Variants in SRGAP2B observed in about 807,000 individuals in gnomAD.
The protein encoded by SRGAP2B is SLIT-ROBO Rho GTPase-activating protein 2B.
SRGAP2B carries 9 observed loss-of-function variants against 22.2 expected under a neutral mutation model. That is an observed-to-expected ratio of 0.41 (90% CI 0.24 to 0.71). SRGAP2B has a LOEUF of 0.71. Ranked by LOEUF, SRGAP2B falls within the 30% of genes least tolerant of loss-of-function variation. The pLI, the probability that SRGAP2B is intolerant of heterozygous loss-of-function variation, is 0.35. For missense variants in SRGAP2B, 114 were observed against 235.8 expected, an observed-to-expected ratio of 0.48 and a Z score of 3.38; for synonymous variants, 36 against 87.4, an observed-to-expected ratio of 0.41 and a Z score of 3.28.
chr1:144,943,946 C>T (rs1277208920), intron 4 of SRGAP2B, among the ~76,000 whole-genome samples: 1 of 150,480 alleles, frequency 6.6e-6, no homozygotes, highest in Non-Finnish European at 1.5e-5. Flanking sequence ...GCATTCAAAG[C>T]CTGCCAAGTT....
At chr1:144,960,547 G>A (rs1306737602) in intron 3 of SRGAP2B, among the ~76,000 whole-genome samples, 1 of 150,390 alleles carries the variant, frequency 6.6e-6, no homozygotes, top group Non-Finnish European at 1.5e-5. Context: ...CGCTTAAAGG[G>A]ATTTCTCTAA....
rs1206124130 is a variant in SRGAP2B at position 144,976,418 on chromosome 1, GGTGT to G, written c.260+18586_260+18589del. On this transcript the variant is annotated intron_variant, in intron 3 of 9. Coordinates refer to ENST00000612199, the Ensembl canonical transcript of SRGAP2B. ...AAATAGCTATTTATAGAAGTACATG[GGTGT>G]GTGTGTGTATGTGTCTATGTGTACA... Among the ~76,000 whole-genome samples, 4 of 137,384 alleles carry G rather than the reference GGTGT, an allele frequency of 2.9e-5. No homozygotes were observed. The East Asian group carries it at 6.2e-4, about 21-fold the overall frequency. 90.1% of individuals were successfully genotyped at this position (137,384 alleles called of 152,430 possible). A position where few individuals can be genotyped will look rare whatever the true frequency, so the allele number is the denominator to read the frequency against.
chr1:144,964,909 C>G lies in SRGAP2B; in HGVS notation c.261-9308G>C, dbSNP rs587603573. 1.9e-4 allele frequency: 131 copies of G among 676,944 alleles called. 1 individual carries two copies. In the African/African-American group the frequency reaches 2.3e-3, roughly 12 times the overall value. The allele number at this position is 676,944 out of a possible 1,614,324, so 41.9% of individuals were successfully genotyped here. On this transcript the variant is annotated intron_variant, in intron 3 of 9. Transcript: ENST00000612199. ...ATGACCAGCCTGGGTAACATAGGAC[C>G]TGTCTCTTAAAAAATAAATAAATAG...
chr1:144,966,349 A>G (rs1553612246), intron 3 of SRGAP2B, among the ~76,000 whole-genome samples: 1 of 149,370 alleles, frequency 6.7e-6, no homozygotes. Context: ...ACATTCTTAA[A>G]GAAAAGAATT....
At chr1:144,902,626 GT>G (rs1378639390) in intron 7 of SRGAP2B, among the ~76,000 whole-genome samples, 1 of 139,904 alleles carries the variant, frequency 7.1e-6, no homozygotes, top group African/African-American at 2.7e-5. Context: ...GCTGGGCGTG[GT>G]GGCGGGTGCC....
rs587744466 is a variant in SRGAP2B at position 144,976,171 on chromosome 1, C to T, written c.260+18837G>A. Reference sequence around the variant, plus strand: ...CTGGGATTACAGGTGTGAGCCATCGCGCCCAGCCTGGGTTAGTAATTCTGA... The same window carrying T: ...CTGGGATTACAGGTGTGAGCCATCGTGCCCAGCCTGGGTTAGTAATTCTGA... On this transcript the variant is annotated intron_variant, in intron 3 of 9. Transcript: ENST00000612199. Among the ~76,000 whole-genome samples, 24 of 147,292 alleles carry T rather than the reference C, an allele frequency of 1.6e-4. 1 individual carries two copies. The highest frequency in any genetic ancestry group is 3.4e-3 in the Middle Eastern group (1 of 292).
chr1:144,963,028 T>C (rs1184482664), intron 3 of SRGAP2B, among the ~76,000 whole-genome samples: 1 of 150,836 alleles, frequency 6.6e-6, no homozygotes, highest in Non-Finnish European at 1.5e-5. Context: ...TTGGCTTGGA[T>C]GAACCCACTG....
chr1:145,088,457 A>G lies in SRGAP2B; in HGVS notation c.67+4378T>C, dbSNP rs587758346. Among the ~76,000 whole-genome samples, 16 of 145,518 alleles carry G rather than the reference A, an allele frequency of 1.1e-4. 1 individual carries two copies. Among genetic ancestry groups the G allele is most frequent in the African/African-American group, 4.2e-4 (16 of 38,510 alleles). ...CACACTGTTCTCCTAAGACATTAAA[A>G]AAAAAAAAAAGACAAGACCCCTAAT... On this transcript the variant is annotated intron_variant, in intron 2 of 9. Coordinates refer to ENST00000612199, the Ensembl canonical transcript of SRGAP2B.
intron 2 of SRGAP2B, among the ~76,000 whole-genome samples, chr1:145,003,491 C>T (rs371537263): frequency 4.0e-4 from 58 of 146,674 alleles, no homozygotes; most frequent in African/African-American, 5.3e-4. Context: ...AATGTTTGAG[C>T]GTGGCCTCTC....
intron 2 of SRGAP2B, among the ~76,000 whole-genome samples, chr1:145,040,883 C>A: frequency 6.7e-6 from 1 of 148,332 alleles, no homozygotes; most frequent in Non-Finnish European, 1.5e-5. Flanking sequence ...CCCATCAGGA[C>A]CACTCTTGCC....
intron 3 of SRGAP2B, among the ~76,000 whole-genome samples, chr1:144,970,514 G>A (rs1553613070): frequency 9.8e-6 from 1 of 101,966 alleles, no homozygotes; most frequent in Non-Finnish European, 1.9e-5. Flanking sequence ...GGGGGAGGGG[G>A]GAGGGATAGC....
At chr1:144,929,914 C>CTA (rs1665047077) in intron 4 of SRGAP2B, among the ~76,000 whole-genome samples, 1 of 149,930 alleles carries the variant, frequency 6.7e-6, no homozygotes, top group Non-Finnish European at 1.5e-5. Context: ...TTTACCAAGG[C>CTA]TACCCATCCT....
intron 4 of SRGAP2B, among the ~76,000 whole-genome samples, chr1:144,923,108 C>T (rs1553347733): frequency 1.6e-4 from 24 of 150,086 alleles, no homozygotes; most frequent in African/African-American, 4.3e-4. Flanking sequence ...AAGAGGATAA[C>T]GGCCCTCTGC....
chr1:144,917,510 C>G (rs1210126370), intron 4 of SRGAP2B, among the ~76,000 whole-genome samples: 1 of 134,700 alleles, frequency 7.4e-6, no homozygotes, highest in African/African-American at 3.2e-5. Flanking sequence ...TGTTGCTTAC[C>G]CATGACTTAA....
At chr1:145,075,816 G>A (rs782264019) in intron 2 of SRGAP2B, among the ~76,000 whole-genome samples, 20 of 148,990 alleles carry the variant, frequency 1.3e-4, no homozygotes, top group South Asian at 4.2e-4. Flanking sequence ...GGCCGGGCAC[G>A]GTGGCTCACA....
At chr1:144,992,238 C>A (rs1173834770) in intron 3 of SRGAP2B, among the ~76,000 whole-genome samples, 1 of 150,754 alleles carries the variant, frequency 6.6e-6, no homozygotes, top group Non-Finnish European at 1.5e-5. Flanking sequence ...GGGACAGACT[C>A]CAGACACACC....
intron 3 of SRGAP2B, among the ~76,000 whole-genome samples, chr1:144,957,829 C>T (rs1553610611): frequency 2.0e-5 from 3 of 147,150 alleles, no homozygotes; most frequent in South Asian, 4.2e-4. Context: ...TGGTGTCTCT[C>T]GGCAAGATAC....
intron 4 of SRGAP2B, among the ~76,000 whole-genome samples, chr1:144,927,370 G>GT (rs1312620872): frequency 6.6e-6 from 1 of 150,704 alleles, no homozygotes; most frequent in Non-Finnish European, 1.5e-5. Flanking sequence ...TTTAGTGCAA[G>GT]TCTGCTGGTG....
At chr1:145,023,165 C>T (rs1370650325) in intron 2 of SRGAP2B, among the ~76,000 whole-genome samples, 1 of 96,362 alleles carries the variant, frequency 1.0e-5, no homozygotes, top group Non-Finnish European at 2.3e-5. Flanking sequence ...GACTCTGTCT[C>T]AAAAAAAAAA....
Sources: gnomAD v4.1 joint callset for allele counts (sites outside exome capture counted in the v4.1 genomes callset) on GRCh38, gnomAD v4.1.1 for gene constraint, MANE v1.5 for transcripts, NCBI Gene and HGNC (gene_info 2026-07-23, HGNC 2026-07-21) for gene names.